Variants in AMOTL2 observed in about 807,000 individuals in gnomAD.
The protein encoded by AMOTL2 is angiomotin like 2, also known as angiomotin-like protein 2.
Under a neutral mutation model 78.4 loss-of-function variants are expected in AMOTL2, and 33 were observed. The ratio of observed to expected loss-of-function variants is 0.42; its 90% CI spans 0.32 to 0.56. The LOEUF is 0.56. Ranked by LOEUF, AMOTL2 falls within the 20% of genes least tolerant of loss-of-function variation. The pLI, the probability that AMOTL2 is intolerant of heterozygous loss-of-function variation, is 0.12. For synonymous variants in AMOTL2, 422 were observed against 428.8 expected (o/e 0.98, Z 0.20); for missense variants, 983 against 1,030.1 (o/e 0.95, Z 0.63).
intron 6 of AMOTL2, among the ~76,000 whole-genome samples, chr3:134,360,671 C>T (rs886327317): frequency 2.6e-5 from 4 of 152,184 alleles, no homozygotes; most frequent in Non-Finnish European, 4.4e-5. Context: ...AATAATTATA[C>T]TGGGAAAACT....
Position 134,360,319 on chromosome 3 carries a change from T to C in AMOTL2, c.1670A>G (p.Glu557Gly). ...RLSEQLREKE[E>G]QILALEADMT... ...GTCGGCCTCCAGCGCCAGGATCTGC[T>C]CCTCCTTCTCTCGCAGTTGTTCTGA... Residue 557 changes from glutamate to glycine, a missense_variant, in exon 7 of 10, where the codon GAG becomes GGG. Physicochemically the swap from Glu to Gly is moderately conservative, Grantham distance 98. Transcript: ENST00000249883. The C allele has an allele frequency of 1.2e-6, 2 of 1,614,190 alleles. No individual in the cohort carries two copies. The highest frequency in any genetic ancestry group is 1.7e-6 in the Non-Finnish European group (2 of 1,180,040).
chr3:134,373,943 T>G (rs2017984140), intron 1 of AMOTL2: 1 of 627,030 alleles, frequency 1.6e-6, no homozygotes, highest in African/African-American at 2.0e-5. Flanking sequence ...CAAAGGCACC[T>G]GTAACCCCCA....
chr3:134,359,852 G>C (rs13325929), intron 7 of AMOTL2, among the ~76,000 whole-genome samples: 166 of 152,308 alleles, frequency 1.1e-3, no homozygotes, highest in Middle Eastern at 6.8e-3. Flanking sequence ...AGGGGAGGCA[G>C]GGCCCAAGCA....
rs7645136 is a variant in AMOTL2, at chr3:134,357,218, C to A, written c.*487G>T. The A allele has an allele frequency of 7.1e-3, 1,216 of 171,066 alleles. 13 individuals carry two copies. The highest frequency in any genetic ancestry group is 0.027 in the African/African-American group (1,159 of 42,492). 10.6% of individuals were successfully genotyped at this position (171,066 alleles called of 1,614,324 possible). A position where few individuals can be genotyped will look rare whatever the true frequency, so the allele number is the denominator to read the frequency against. On this transcript the variant is annotated 3_prime_UTR_variant, in exon 10 of 10. Coordinates refer to ENST00000249883, the MANE Select transcript of AMOTL2 (RefSeq NM_016201.4). ...AAGAAGGCAGTGAGGAACTGAAGAG[C>A]AGATGACGTTGGCTGGAACCAAACT...
chr3:134,362,523 C>T (rs780539349), intron 5 of AMOTL2, among the ~76,000 whole-genome samples: 2 of 152,140 alleles, frequency 1.3e-5, no homozygotes, highest in African/African-American at 2.4e-5. Flanking sequence ...CCGAGAGGTC[C>T]GTTGAGGGCT....
chr3:134,358,472 T>TGTTCCA, intron 9 of AMOTL2, 68 bp downstream of exon 9: 1 of 1,527,524 alleles, frequency 6.5e-7, no homozygotes, highest in Admixed American at 2.1e-5. Flanking sequence ...AAAGGCCTTG[T>TGTTCCA]GTTCCAGTTC....
chr3:134,374,486 C>G, upstream of AMOTL2: 3 of 985,584 alleles, frequency 3.0e-6, no homozygotes, highest in Non-Finnish European at 3.6e-6. Flanking sequence ...AGGGTCGGCC[C>G]GCGCCGGAGG....
At position 134,370,848 on chromosome 3, in the gene AMOTL2, G is replaced by A; in HGVS notation, c.586C>T (p.Leu196=). The change falls in exon 2 of 10, where the codon CTG becomes TTG. Residue 196 remains leucine, a synonymous_variant. Coordinates refer to ENST00000249883, the MANE Select transcript of AMOTL2 (RefSeq NM_016201.4). The part of the protein sequence containing the change: ...QLARNQQGPP[L]RGPPAEGPES... ...GGGCCCTCAGCAGGGGGGCCCCTCA[G>A]TGGGGGGCCCTGCTGGTTGCGGGCC... is the stretch of plus-strand genomic sequence containing the variant. The A allele has an allele frequency of 6.2e-7, 1 of 1,601,780 alleles. No individual in the cohort carries two copies. The highest frequency in any genetic ancestry group is 1.3e-5 in the African/African-American group (1 of 74,774).
chr3:134,371,485 C>A lies in AMOTL2; in HGVS notation c.-52G>T, dbSNP rs776771551. 1.4e-5 allele frequency: 22 copies of A among 1,588,592 alleles called. No individual in the cohort carries two copies. The highest frequency in any genetic ancestry group is 1.8e-5 in the Non-Finnish European group (21 of 1,171,682). ...TGGACAATGGCCGGTGGCACCTGGCCCCAGAGCACCTGGAGTGGGGTGGGG... is the reference window on the plus strand; with the variant it reads ...TGGACAATGGCCGGTGGCACCTGGCACCAGAGCACCTGGAGTGGGGTGGGG... On this transcript the variant is annotated 5_prime_UTR_variant, in exon 2 of 10. Coordinates refer to ENST00000249883, the MANE Select transcript of AMOTL2 (RefSeq NM_016201.4).
chr3:134,372,654 G>A (rs907353470), intron 1 of AMOTL2, among the ~76,000 whole-genome samples: 4 of 152,048 alleles, frequency 2.6e-5, no homozygotes, highest in Non-Finnish European at 4.4e-5. Flanking sequence ...TGTCAAGGAA[G>A]CCCATCTTGA....
In AMOTL2 at chr3:134,366,314, C is replaced by T. The variant is rs2017602028; in HGVS notation, c.1155G>A (p.Arg385=). ...TMRNKMDSEM[R]RLQDFNRDLR... ...GATCCCGGTTGAAGTCTTGCAGCCT[C>T]CTCATTTCACTGTCCATCTTGTTCC... is the stretch of plus-strand genomic sequence containing the variant. Residue 385 remains arginine (R), a synonymous_variant, in exon 4 of 10, where the codon AGG becomes AGA. Transcript: ENST00000249883. The T allele has an allele frequency of 1.9e-6, 3 of 1,614,224 alleles. No individual in the cohort carries two copies. Among genetic ancestry groups the T allele is most frequent in the Non-Finnish European group, 1.7e-6 (2 of 1,180,034 alleles).
In AMOTL2 at chr3:134,365,815, A is replaced by G; in HGVS notation, c.1279+2T>C. The G allele has an allele frequency of 1.2e-6, 2 of 1,613,674 alleles. No homozygotes were observed. Among genetic ancestry groups the G allele is most frequent in the Non-Finnish European group, 8.5e-7 (1 of 1,179,896 alleles). ...AGGCTTCTTAGTGGGGCCCCTACTC[A>G]CTCTGAGCAAGCAGCTTGGCCACCA... On this transcript the variant is annotated splice_donor_variant, in intron 5 of 9. Transcript: ENST00000249883. LOFTEE classifies it high-confidence loss of function.
chr3:134,371,159 T>C lies in AMOTL2; in HGVS notation c.275A>G (p.Tyr92Cys). ...GENHLAENTL[Y>C]RLCPQPSKGE... ...CTTGCTGGGCTGTGGGCATAGCCGGTAGAGGGTGTTCTCTGCCAGGTGGTT... is the reference window on the plus strand; with the variant it reads ...CTTGCTGGGCTGTGGGCATAGCCGGCAGAGGGTGTTCTCTGCCAGGTGGTT... The change falls in exon 2 of 10, where the codon TAC becomes TGC. Residue 92 changes from tyrosine to cysteine, a missense_variant. Coordinates refer to ENST00000249883, the MANE Select transcript of AMOTL2 (RefSeq NM_016201.4). The C allele has an allele frequency of 6.2e-7, 1 of 1,613,930 alleles. No homozygotes were observed. The highest frequency in any genetic ancestry group is 8.5e-7 in the Non-Finnish European group (1 of 1,179,946).
intron 3 of AMOTL2, among the ~76,000 whole-genome samples, chr3:134,367,092 C>A (rs1342672785): frequency 2.0e-5 from 3 of 152,024 alleles, no homozygotes; most frequent in East Asian, 3.9e-4. Context: ...ATTTTTTTTC[C>A]AAGAGGAGAA....
rs2017139854 is a variant in AMOTL2 at position 134,357,781 on chromosome 3, C to A, written c.2285-18G>T. ...TACAGAGTCTGGAGACAGACAAGAA[C>A]ACAGGCACATGCCAATGAGTGTTAC... On this transcript the variant is annotated intron_variant, in intron 9 of 9. Coordinates refer to ENST00000249883, the MANE Select transcript of AMOTL2 (RefSeq NM_016201.4). 6.2e-7 allele frequency: 1 copy of A among 1,612,780 alleles called. No individual in the cohort carries two copies.
At chr3:134,365,568 C>T (rs998399555) in intron 5 of AMOTL2, among the ~76,000 whole-genome samples, 4 of 152,256 alleles carry the variant, frequency 2.6e-5, no homozygotes, top group African/African-American at 9.6e-5. Context: ...CAAATCACTG[C>T]TCCCTGGCTT....
intron 2 of AMOTL2, 32 bp from the exon 3 acceptor site, chr3:134,367,835 A>C: frequency 2.5e-6 from 4 of 1,608,670 alleles, no homozygotes; most frequent in Non-Finnish European, 3.4e-6. Context: ...GCTCAGAGAC[A>C]GCACAGACCC....
In AMOTL2 at chr3:134,370,740, G is replaced by C; in HGVS notation, c.694C>G (p.Arg232Gly). The stretch of plus-strand genomic sequence containing the variant: ...TGGAAGTGCGGGCTGCCGCGGGCAC[G>C]GTACCGTGGGTCAGTGACAGCAGTG... ...TTTAVTDPRYRARGSPHFQHA... is the reference protein window; with the variant it reads ...TTTAVTDPRYGARGSPHFQHA... Residue 232 changes from arginine (R) to glycine (G), a missense_variant, in exon 2 of 10, where the codon CGT (arginine) becomes GGT (glycine). By Grantham distance (125) the Arg-to-Gly change is moderately radical (BLOSUM62 -2). Coordinates refer to ENST00000249883, the MANE Select transcript of AMOTL2 (RefSeq NM_016201.4). The C allele has an allele frequency of 2.0e-6, 3 of 1,512,776 alleles. No individual in the cohort carries two copies. The highest frequency in any genetic ancestry group is 2.7e-6 in the Non-Finnish European group (3 of 1,130,466). The allele number at this position is 1,512,776 out of a possible 1,614,324, so 93.7% of individuals were successfully genotyped here. A position where few individuals can be genotyped will look rare whatever the true frequency, so the allele number is the denominator to read the frequency against.
chr3:134,371,610 C>T (rs1327752917), intron 1 of AMOTL2, 116 bp from the exon 2 acceptor site: 7 of 1,435,684 alleles, frequency 4.9e-6, no homozygotes, highest in African/African-American at 2.9e-5. Context: ...AAGTGAAGAG[C>T]AGGGGTGGGG....
Sources: allele counts gnomAD v4.1 joint callset (sites outside exome capture counted in the v4.1 genomes callset), GRCh38; gene constraint gnomAD v4.1.1; transcripts MANE v1.5; gene names NCBI Gene and HGNC (gene_info 2026-07-23, HGNC 2026-07-21).